Variants in NTM observed in about 807,000 individuals in gnomAD.
NTM encodes the protein neurotrimin.
A neutral mutation model predicts 42.1 loss-of-function variants in NTM; 13 were observed. That is an observed-to-expected ratio of 0.31 (90% CI 0.20 to 0.49). The LOEUF (loss-of-function observed/expected upper bound fraction) is 0.49, where lower values mean the gene tolerates loss of function less well. NTM is among the 20% of genes least tolerant of loss of function. NTM has a pLI of 0.99. For synonymous variants in NTM, 187 were observed against 179.2 expected, an observed-to-expected ratio of 1.04 and a Z score of -0.35; for missense variants, 373 against 452.8, an observed-to-expected ratio of 0.82 and a Z score of 1.60.
chr11:132,320,773 CCTGT>C, intron 7 of NTM, among the ~76,000 whole-genome samples: 2 of 151,810 alleles, frequency 1.3e-5, no homozygotes, highest in Middle Eastern at 6.8e-3. Context: ...CTTAAATGTC[CCTGT>C]CTGACAGCTT....
chr11:132,307,624 C>A, intron 4 of NTM, 65 bp from the exon 5 acceptor site: 1 of 1,599,098 alleles, frequency 6.3e-7, no homozygotes, highest in Admixed American at 1.7e-5. Context: ...ACTTTGTTTT[C>A]TAAGTGAACA....
At chr11:132,007,636 T>G (rs892591304) in intron 2 of NTM, among the ~76,000 whole-genome samples, 2 of 152,222 alleles carry the variant, frequency 1.3e-5, no homozygotes, top group Non-Finnish European at 2.9e-5. Context: ...AGCTTACTAT[T>G]TAAAGAAATC....
chr11:131,881,380 G>A (rs755130351), intron 1 of NTM, among the ~76,000 whole-genome samples: 12 of 151,844 alleles, frequency 7.9e-5, no homozygotes, highest in Non-Finnish European at 1.8e-4. Context: ...GTCCCGGATT[G>A]GTCAGTTTTT....
intron 1 of NTM, among the ~76,000 whole-genome samples, chr11:131,549,684 C>A (rs1043422972): frequency 6.6e-6 from 1 of 152,146 alleles, no homozygotes; most frequent in Non-Finnish European, 1.5e-5. Flanking sequence ...CAGGTGTCTT[C>A]GATCCTCAGA....
chr11:131,402,879 G>A (rs974493989), intron 1 of NTM, among the ~76,000 whole-genome samples: 1 of 152,142 alleles, frequency 6.6e-6, no homozygotes, highest in African/African-American at 2.4e-5. Flanking sequence ...CTGTCATAAG[G>A]TAATGGTGTT....
chr11:131,749,730 C>G (rs1591586895), intron 1 of NTM, among the ~76,000 whole-genome samples: 1 of 152,298 alleles, frequency 6.6e-6, no homozygotes, highest in East Asian at 1.9e-4. Context: ...TCCCAAGTAG[C>G]TGGGATGACA....
intron 1 of NTM, among the ~76,000 whole-genome samples, chr11:131,420,227 A>G (rs1422454065): frequency 6.6e-6 from 1 of 152,152 alleles, no homozygotes. Flanking sequence ...GATGAACCTG[A>G]TGCAATGGCA....
chr11:131,664,817 G>A (rs2068742158), intron 1 of NTM, among the ~76,000 whole-genome samples: 1 of 136,794 alleles, frequency 7.3e-6, no homozygotes, highest in Non-Finnish European at 1.5e-5. Context: ...ACATTTAAAA[G>A]CCACTCTTTT....
Position 131,782,883 on chromosome 11 carries a change from T to C in NTM, c.83-128681T>C, listed in dbSNP as rs552042294. Among the ~76,000 whole-genome samples, 54 of 152,250 alleles carry C rather than the reference T, an allele frequency of 3.5e-4. No individual in the cohort carries two copies. The South Asian group carries it at 7.0e-3, about 20-fold the overall frequency. On this transcript the variant is annotated intron_variant, in intron 1 of 8. Transcript: ENST00000683400. ...AACCTATAGCTATTATCATACTTCG[T>C]AGAGGACGGAATGAATACTTTCCCT...
Position 131,628,931 on chromosome 11 carries a change from G to T in NTM, c.82+258043G>T, listed in dbSNP as rs554466739. 3.9e-5 allele frequency among the ~76,000 whole-genome samples: 6 copies of T among 152,376 alleles called. No homozygotes were observed. In the East Asian group the frequency reaches 1.2e-3, roughly 29 times the overall value. On this transcript the variant is annotated intron_variant, in intron 1 of 8. Coordinates refer to ENST00000683400, the MANE Select transcript of NTM (RefSeq NM_001352005.2). The stretch of plus-strand genomic sequence containing the variant: ...AGTACAGGCGGAGAGTGTGGCAGGA[G>T]ATGGGCATGGTCCTGCCCAGAGGCA...
intron 1 of NTM, among the ~76,000 whole-genome samples, chr11:131,624,863 GT>G (rs2062946210): frequency 6.6e-6 from 1 of 152,160 alleles, no homozygotes; most frequent in African/African-American, 2.4e-5. Flanking sequence ...CCAGGAGGTG[GT>G]GATGATCAGG....
chr11:131,795,011 C>A (rs956841579), intron 1 of NTM: 1 of 985,126 alleles, frequency 1.0e-6, no homozygotes, highest in Non-Finnish European at 1.2e-6. Context: ...AGTACTCAGC[C>A]GTGCTCCTTC....
At chr11:131,762,992 C>T (rs921394643) in intron 1 of NTM, among the ~76,000 whole-genome samples, 36 of 152,326 alleles carry the variant, frequency 2.4e-4, no homozygotes, top group African/African-American at 7.7e-4. Flanking sequence ...ACAACGGGCT[C>T]GGTTCTGCTG....
intron 1 of NTM, among the ~76,000 whole-genome samples, chr11:131,425,978 C>T (rs1948099272): frequency 6.6e-6 from 1 of 152,086 alleles, no homozygotes; most frequent in African/African-American, 2.4e-5. Flanking sequence ...AAATCTTGGA[C>T]TCTCACCAGG....
At chr11:132,089,213 G>A (rs1219424581) in intron 2 of NTM, among the ~76,000 whole-genome samples, 1 of 152,190 alleles carries the variant, frequency 6.6e-6, no homozygotes, top group African/African-American at 2.4e-5. Context: ...CTGTTACCAT[G>A]AGCCTTGCTC....
chr11:131,770,878 G>C (rs1437029039), intron 1 of NTM: 1 of 152,152 alleles, frequency 6.6e-6, no homozygotes, highest in Non-Finnish European at 1.5e-5. Context: ...CTATGCGTCT[G>C]TCCCTGTTTT....
At chr11:132,196,178 A>C (rs971213003) in intron 3 of NTM, among the ~76,000 whole-genome samples, 2 of 152,234 alleles carry the variant, frequency 1.3e-5, no homozygotes, top group South Asian at 4.1e-4. Context: ...CATGTGGCTA[A>C]GAAATATATG....
chr11:131,909,434 C>T (rs1357349234), intron 1 of NTM, among the ~76,000 whole-genome samples: 2 of 152,000 alleles, frequency 1.3e-5, no homozygotes, highest in African/African-American at 2.4e-5. Context: ...TTTGGAAGAC[C>T]ATTTTTCTGT....
intron 1 of NTM, among the ~76,000 whole-genome samples, chr11:131,451,664 GT>G (rs1209104291): frequency 6.6e-6 from 1 of 152,184 alleles, no homozygotes; most frequent in Non-Finnish European, 1.5e-5. Context: ...AAGTCCAGGT[GT>G]TTGTGGATGA....
Sources: gnomAD v4.1 joint callset for allele counts (sites outside exome capture counted in the v4.1 genomes callset) on GRCh38, gnomAD v4.1.1 for gene constraint, MANE v1.5 for transcripts, NCBI Gene and HGNC (gene_info 2026-07-23, HGNC 2026-07-21) for gene names.